Variants in FSTL5 observed in about 807,000 individuals in gnomAD.
FSTL5 encodes follistatin-related protein 5.
A neutral mutation model predicts 89.1 loss-of-function variants in FSTL5; 62 were observed. The ratio of observed to expected loss-of-function variants is 0.70; its 90% CI spans 0.57 to 0.86. FSTL5 has a LOEUF of 0.86. FSTL5 is among the 40% of genes least tolerant of loss of function. FSTL5 has a pLI of 0.00. For missense variants in FSTL5, 1,057 were observed against 1,001.6 expected (o/e 1.06, Z -0.75); for synonymous variants, 383 against 346.2 (o/e 1.11, Z -1.18).
At chr4:161,866,607 C>T (rs1301349855) in intron 4 of FSTL5, among the ~76,000 whole-genome samples, 1 of 151,172 alleles carries the variant, frequency 6.6e-6, no homozygotes, top group Admixed American at 6.6e-5. Flanking sequence ...ATATTTTAGC[C>T]CTCACATATT....
chr4:161,953,679 A>T (rs1734957097), intron 3 of FSTL5, among the ~76,000 whole-genome samples: 1 of 151,652 alleles, frequency 6.6e-6, no homozygotes, highest in Non-Finnish European at 1.5e-5. Context: ...TAGCCATAGA[A>T]TTAGCAAGCA....
At chr4:161,749,927 C>T (rs537641637) in intron 6 of FSTL5, among the ~76,000 whole-genome samples, 2 of 151,982 alleles carry the variant, frequency 1.3e-5, no homozygotes, top group East Asian at 1.9e-4. Flanking sequence ...CTTTGGGTAA[C>T]GGGTACATTA....
At chr4:161,682,799 T>C (rs6815952) in intron 6 of FSTL5, among the ~76,000 whole-genome samples, 43,293 of 151,882 alleles carry the variant, frequency 0.29, 6,955 homozygotes, top group Middle Eastern at 0.42. Flanking sequence ...CAGGCTGGGG[T>C]GCAATGGCAT....
chr4:162,104,793 A>G (rs974612370), intron 2 of FSTL5, among the ~76,000 whole-genome samples: 5 of 152,184 alleles, frequency 3.3e-5, no homozygotes, highest in Non-Finnish European at 7.4e-5. Context: ...ATAAAATCTC[A>G]GACCTTTCAC....
At chr4:161,585,790 C>A (rs540686493) in intron 8 of FSTL5, among the ~76,000 whole-genome samples, 2 of 152,088 alleles carry the variant, frequency 1.3e-5, no homozygotes, top group Non-Finnish European at 2.9e-5. Flanking sequence ...GGACGAGCAT[C>A]CTCAGCACAG....
At chr4:161,894,255 T>C (rs1284621495) in intron 4 of FSTL5, among the ~76,000 whole-genome samples, 2 of 152,056 alleles carry the variant, frequency 1.3e-5, no homozygotes, top group Non-Finnish European at 1.5e-5. Context: ...TTCTATTACG[T>C]GATAATGGTA....
intron 4 of FSTL5, among the ~76,000 whole-genome samples, chr4:161,861,736 A>G (rs1427759059): frequency 1.3e-5 from 2 of 152,224 alleles, no homozygotes; most frequent in Non-Finnish European, 2.9e-5. Flanking sequence ...AATCTTTGGA[A>G]GCCGCTTTTT....
intron 10 of FSTL5, among the ~76,000 whole-genome samples, chr4:161,521,647 G>GA (rs1553994158): frequency 6.6e-6 from 1 of 151,828 alleles, no homozygotes; most frequent in Non-Finnish European, 1.5e-5. Context: ...AGGAGATCGA[G>GA]ACCATCCTGG....
intron 4 of FSTL5, among the ~76,000 whole-genome samples, chr4:161,792,946 G>A (rs1579096906): frequency 1.3e-5 from 2 of 152,230 alleles, no homozygotes; most frequent in East Asian, 1.9e-4. Context: ...GAAGAGCTGT[G>A]GCCCTTCATG....
chr4:161,970,874 T>A (rs989020974), intron 3 of FSTL5, among the ~76,000 whole-genome samples: 1 of 152,106 alleles, frequency 6.6e-6, no homozygotes, highest in Non-Finnish European at 1.5e-5. Context: ...CTGTATCAGT[T>A]ATATTTGAAC....
chr4:161,542,753 C>T, intron 8 of FSTL5, 60 bp from the exon 9 acceptor site: 1 of 1,161,744 alleles, frequency 8.6e-7, no homozygotes, highest in South Asian at 2.4e-5. Context: ...TTTAATTTTC[C>T]AAAAGAAAAA....
chr4:161,544,780 A>C (rs1376963928), intron 8 of FSTL5, among the ~76,000 whole-genome samples: 1 of 152,008 alleles, frequency 6.6e-6, no homozygotes, highest in Middle Eastern at 3.2e-3. Context: ...GTATATTACT[A>C]AGAGAACTGA....
intron 8 of FSTL5, among the ~76,000 whole-genome samples, chr4:161,575,396 T>A (rs1015288461): frequency 2.0e-5 from 3 of 152,160 alleles, no homozygotes; most frequent in African/African-American, 7.2e-5. Flanking sequence ...CTTTTGGTGT[T>A]TTAGTTATGA....
chr4:161,788,718 CCT>C (rs1742006217), intron 4 of FSTL5, among the ~76,000 whole-genome samples: 1 of 152,038 alleles, frequency 6.6e-6, no homozygotes, highest in Non-Finnish European at 1.5e-5. Context: ...AGACCCCGCC[CCT>C]GTCTCTCCAA....
chr4:161,611,334 C>T (rs578130037), intron 7 of FSTL5, among the ~76,000 whole-genome samples: 157 of 147,568 alleles, frequency 1.1e-3, no homozygotes, highest in Non-Finnish European at 2.0e-3. Context: ...TGCAATTTTA[C>T]ATTAATTTAT....
At chr4:161,885,818 T>C (rs1400069555) in intron 4 of FSTL5, among the ~76,000 whole-genome samples, 2 of 152,128 alleles carry the variant, frequency 1.3e-5, no homozygotes, top group Non-Finnish European at 2.9e-5. Context: ...GTTTGGGAGA[T>C]AGTATTGTGT....
chr4:161,505,631 T>C (rs983127632), intron 11 of FSTL5, among the ~76,000 whole-genome samples: 1 of 152,208 alleles, frequency 6.6e-6, no homozygotes, highest in Non-Finnish European at 1.5e-5. Flanking sequence ...TAATAGAATA[T>C]TTGTTTTCAT....
chr4:161,826,305 C>G (rs549949266), intron 4 of FSTL5, among the ~76,000 whole-genome samples: 2 of 152,154 alleles, frequency 1.3e-5, no homozygotes, highest in African/African-American at 2.4e-5. Flanking sequence ...CATATGGTCT[C>G]TCTTGGAGAA....
chr4:161,893,857 C>A (rs1733067167), intron 4 of FSTL5, among the ~76,000 whole-genome samples: 1 of 152,104 alleles, frequency 6.6e-6, no homozygotes, highest in South Asian at 2.1e-4. Context: ...TCTTTTCTTT[C>A]CCTAAAGATT....
Sources: allele counts gnomAD v4.1 joint callset (sites outside exome capture counted in the v4.1 genomes callset), GRCh38; gene constraint gnomAD v4.1.1; transcripts MANE v1.5; gene names NCBI Gene and HGNC (gene_info 2026-07-23, HGNC 2026-07-21).